BRAT1: variants seen among roughly 807,000 people sequenced by gnomAD.
The protein encoded by BRAT1 is BRCA1 associated ATM activator 1.
A neutral mutation model predicts 70.6 loss-of-function variants in BRAT1; 74 were observed. The observed-to-expected ratio is 1.05, with a 90% CI of 0.87 to 1.27. The LOEUF is 1.27. Ranked by LOEUF, BRAT1 falls within the 50% of genes most tolerant of loss-of-function variation. The probability of loss-of-function intolerance (pLI) is 0.00; values close to 1 mark genes in which losing one functional copy is unlikely to be tolerated. For synonymous variants in BRAT1, 615 were observed against 517.1 expected, an observed-to-expected ratio of 1.19 and a Z score of -2.57; for missense variants, 1,203 against 1,098.2, an observed-to-expected ratio of 1.10 and a Z score of -1.35.
In BRAT1 at chr7:2,538,494, C is replaced by T. The variant is rs145833100; in HGVS notation, c.2041G>A (p.Glu681Lys). 1.4e-3 allele frequency: 2,312 copies of T among 1,611,408 alleles called. 3 individuals are homozygous for T. Among genetic ancestry groups the T allele is most frequent in the Non-Finnish European group, 1.8e-3 (2,090 of 1,179,814 alleles). Reference sequence around the variant, plus strand: ...GTGAGTGGCTGGGCTGGGGCCACCTCGGGTAGGGCCACGGCATAGGGGCAG... The same window carrying T: ...GTGAGTGGCTGGGCTGGGGCCACCTTGGGTAGGGCCACGGCATAGGGGCAG... The part of the protein sequence containing the change: ...THCPYAVALP[E>K]VAPAQPLTEA... The change falls in exon 14 of 14, where the codon GAG (glutamate) becomes AAG (lysine). Residue 681 changes from glutamate (E) to lysine (K), a missense_variant. Physicochemically the swap from Glu to Lys is moderately conservative, Grantham distance 56 (BLOSUM62 1). Transcript: ENST00000340611.
Position 2,543,678 on chromosome 7 carries a change from G to A in BRAT1, c.715C>T (p.Arg239Trp), listed in dbSNP as rs758480762. The A allele has an allele frequency of 2.6e-6, 4 of 1,563,352 alleles. No homozygotes were observed. Among genetic ancestry groups the A allele is most frequent in the Admixed American group, 1.8e-5 (1 of 56,108 alleles). Reference sequence around the variant, plus strand: ...AGACAGGCCACGCGGGGACTCAGCCGCACCCACAGGGCTTCCGTCCAGGGG... The same window carrying A: ...AGACAGGCCACGCGGGGACTCAGCCACACCCACAGGGCTTCCGTCCAGGGG... Reference protein sequence around the residue: ...QSPWTEALWVRLSPRVACLLE... With the variant: ...QSPWTEALWVWLSPRVACLLE... Residue 239 changes from arginine (R) to tryptophan (W), a missense_variant, in exon 5 of 14, where the codon CGG becomes TGG. Transcript: ENST00000340611. This position sits in a 1 kb window ranked among gnomAD's most constrained non-coding sequence, Gnocchi z 5.5.
intron 11 of BRAT1, 57 bp downstream of exon 11, chr7:2,539,729 T>G: frequency 5.8e-6 from 9 of 1,558,702 alleles, no homozygotes; most frequent in Admixed American, 1.9e-5. Context: ...ACCCAGCCCC[T>G]GCTGCCTCCA....
chr7:2,550,481 CA>C (rs369777124), intron 2 of BRAT1, among the ~76,000 whole-genome samples: 5,304 of 57,412 alleles, frequency 0.092, 114 homozygotes, highest in Non-Finnish European at 0.12. Context: ...AAAAAAAAAA[CA>C]AAAAAAAAAA....
intron 2 of BRAT1, among the ~76,000 whole-genome samples, chr7:2,552,032 C>T (rs1355090694): frequency 3.2e-5 from 4 of 124,800 alleles, no homozygotes; most frequent in South Asian, 2.6e-4. Flanking sequence ...CAATGTAAAA[C>T]GTGTAAGATG....
At chr7:2,549,747 C>T (rs1022921323) in intron 2 of BRAT1, among the ~76,000 whole-genome samples, 5 of 152,028 alleles carry the variant, frequency 3.3e-5, no homozygotes, top group Non-Finnish European at 4.4e-5. Context: ...TAAAATGCAA[C>T]GACAGGAAAG....
chr7:2,553,329 C>T lies in BRAT1; in HGVS notation c.127+976G>A, dbSNP rs535055262. On this transcript the variant is annotated intron_variant, in intron 2 of 13. Coordinates refer to ENST00000340611, the MANE Select transcript of BRAT1 (RefSeq NM_152743.4). Reference sequence around the variant, plus strand: ...TACAAGCATGAGTCACCGCGCCTGACCTATGACACTACTTAAAATGATGAA... The same window carrying T: ...TACAAGCATGAGTCACCGCGCCTGATCTATGACACTACTTAAAATGATGAA... Among the ~76,000 whole-genome samples, 35 of 152,306 alleles carry T rather than the reference C, an allele frequency of 2.3e-4. 1 individual carries two copies. Among genetic ancestry groups the T allele is most frequent in the African/African-American group, 7.7e-4 (32 of 41,564 alleles).
At chr7:2,545,600 C>T (rs747595732) in intron 3 of BRAT1, among the ~76,000 whole-genome samples, 1 of 150,732 alleles carries the variant, frequency 6.6e-6, no homozygotes, top group African/African-American at 2.4e-5. Flanking sequence ...AGCTATTTTC[C>T]TGTCTCAGCC....
At chr7:2,545,188 A>AC in intron 3 of BRAT1, 132 bp from the exon 4 acceptor site, 1 of 1,015,390 alleles carries the variant, frequency 9.8e-7, no homozygotes, top group Non-Finnish European at 1.4e-6. Context: ...ACATGGTGAA[A>AC]CCCCATCTCT....
Position 2,543,455 on chromosome 7 carries a change from A to C in BRAT1, c.804-132T>G. The stretch of plus-strand genomic sequence containing the variant: ...ACAGGCCTTTCCCCATGAGGGTTCC[A>C]GGGTCACCCCGGTGCCGCTTCACTG... On this transcript the variant is annotated intron_variant, in intron 5 of 13. Transcript: ENST00000340611. This position sits in a 1 kb window ranked among gnomAD's most constrained non-coding sequence, Gnocchi z 5.5. The C allele has an allele frequency of 1.3e-6, 2 of 1,481,542 alleles. No homozygotes were observed. Among genetic ancestry groups the C allele is most frequent in the Non-Finnish European group, 1.8e-6 (2 of 1,119,460 alleles). 91.8% of individuals were successfully genotyped at this position (1,481,542 alleles called of 1,614,324 possible). A position where few individuals can be genotyped will look rare whatever the true frequency, so the allele number is the denominator to read the frequency against.
Position 2,554,408 on chromosome 7 carries a change from C to G in BRAT1, c.24G>C (p.Leu8=). The change falls in exon 2 of 14, where the codon CTG becomes CTC. Residue 8 remains leucine, a synonymous_variant. Coordinates refer to ENST00000340611, the MANE Select transcript of BRAT1 (RefSeq NM_152743.4). The part of the protein sequence containing the change: MDPECAQ[L]LPALCAVLVD... ...CCAGAACAGCACAGAGAGCCGGGAGCAGCTGGGCGCATTCTGGGTCCATGG... is the reference window on the plus strand; with the variant it reads ...CCAGAACAGCACAGAGAGCCGGGAGGAGCTGGGCGCATTCTGGGTCCATGG... 1 of 1,613,680 alleles carries G rather than the reference C, an allele frequency of 6.2e-7. No homozygotes were observed.
At chr7:2,551,707 C>G (rs567884668) in intron 2 of BRAT1, among the ~76,000 whole-genome samples, 4 of 150,096 alleles carry the variant, frequency 2.7e-5, no homozygotes, top group Non-Finnish European at 5.9e-5. Context: ...AAAAGAAAAA[C>G]TGACTACTAC....
rs1448727887 is a variant in BRAT1 at position 2,539,651 on chromosome 7, G to A, written c.1499-9C>T. Reference sequence around the variant, plus strand: ...CAGCACAGGGAACAGCTCTAGGGTGGGAAGGGACAGGTCAGGGTGACCTTG... The same window carrying A: ...CAGCACAGGGAACAGCTCTAGGGTGAGAAGGGACAGGTCAGGGTGACCTTG... On this transcript the variant is annotated splice_polypyrimidine_tract_variant and intron_variant, in intron 11 of 13. Transcript: ENST00000340611. The A allele has an allele frequency of 1.3e-6, 2 of 1,584,524 alleles. No individual in the cohort carries two copies. The highest frequency in any genetic ancestry group is 2.3e-5 in the East Asian group (1 of 43,212).
Position 2,552,081 on chromosome 7 carries a change from A to AACATATATATATATATAT in BRAT1, c.127+2223_127+2224insATATATATATATATATGT, listed in dbSNP as rs1554298077. On this transcript the variant is annotated intron_variant, in intron 2 of 13. Coordinates refer to ENST00000340611, the MANE Select transcript of BRAT1 (RefSeq NM_152743.4). ...ACTTTTAGAGAAATGCATAGTCTTA[A>AACATATATATATATATAT]ATATATATATATATATATATATATA... 2.6e-4 allele frequency among the ~76,000 whole-genome samples: 6 copies of AACATATATATATATATAT among 23,384 alleles called. 1 individual carries two copies. The East Asian group carries it at 0.017, about 68-fold the overall frequency. 15.3% of individuals were successfully genotyped at this position (23,384 alleles called of 152,430 possible). A position where few individuals can be genotyped will look rare whatever the true frequency, so the allele number is the denominator to read the frequency against.
intron 2 of BRAT1, among the ~76,000 whole-genome samples, chr7:2,549,850 A>G (rs1046639715): frequency 6.6e-6 from 1 of 152,244 alleles, no homozygotes; most frequent in Non-Finnish European, 1.5e-5. Flanking sequence ...TGGGCTGTAA[A>G]GCAAAAAGCA....
intron 2 of BRAT1, among the ~76,000 whole-genome samples, chr7:2,550,636 A>G (rs1779940177): frequency 6.6e-6 from 1 of 152,020 alleles, no homozygotes; most frequent in African/African-American, 2.4e-5. Flanking sequence ...TAGCAAGAAC[A>G]TAGCAGGTCT....
chr7:2,538,528 C>T lies in BRAT1; in HGVS notation c.2007G>A (p.Pro669=), dbSNP rs372436637. ...CCACGGCATAGGGGCAGTGGGTACG[C>T]GGCGGCCCCAAAGTCTGGCCCAGGA... The part of the protein sequence containing the change: ...LVFLGQTLGP[P]RTHCPYAVAL... The change falls in exon 14 of 14, where the codon CCG becomes CCA. Residue 669 remains proline, a synonymous_variant. Coordinates refer to ENST00000340611, the MANE Select transcript of BRAT1 (RefSeq NM_152743.4). The T allele has an allele frequency of 1.1e-5, 17 of 1,606,114 alleles. No homozygotes were observed. Among genetic ancestry groups the T allele is most frequent in the South Asian group, 3.3e-5 (3 of 90,968 alleles).
intron 9 of BRAT1, 38 bp downstream of exon 9, chr7:2,541,260 G>T: frequency 1.3e-6 from 2 of 1,533,016 alleles, no homozygotes. Flanking sequence ...GGGGGCACAG[G>T]GATAGCCCCA....
rs1274284612 is a variant in BRAT1, at chr7:2,543,061, G to A, written c.923+143C>T. The A allele has an allele frequency of 1.3e-5, 14 of 1,061,304 alleles. No individual in the cohort carries two copies. The highest frequency in any genetic ancestry group is 1.1e-4 in the Admixed American group (4 of 37,534). The allele number at this position is 1,061,304 out of a possible 1,614,324, so 65.7% of individuals were successfully genotyped here. ...TCAGAAGCTGCCGCGCGCAACCCAC[G>A]CACCACCCAGTCACACCCCGCACGG... is the stretch of plus-strand genomic sequence containing the variant. On this transcript the variant is annotated intron_variant, in intron 6 of 13. Coordinates refer to ENST00000340611, the MANE Select transcript of BRAT1 (RefSeq NM_152743.4). The surrounding 1 kb of genome is among the most constrained non-coding windows in gnomAD (Gnocchi z 5.5).
chr7:2,540,742 G>A (rs918448059), intron 10 of BRAT1: 14 of 426,738 alleles, frequency 3.3e-5, no homozygotes, highest in Admixed American at 2.6e-4. Context: ...CGCCTGACCA[G>A]TGCCCCTGCT....
Sources: gnomAD v4.1 joint callset for allele counts (sites outside exome capture counted in the v4.1 genomes callset) on GRCh38, gnomAD v4.1.1 for gene constraint, Gnocchi (gnomAD v3.1) non-coding constraint, MANE v1.5 for transcripts, NCBI Gene and HGNC (gene_info 2026-07-23, HGNC 2026-07-21) for gene names.